Variants in NOL4 observed in about 807,000 individuals in gnomAD.
NOL4 encodes the protein cancer/testis antigen 125.
In NOL4, 17 loss-of-function variants were observed where a neutral mutation model predicts 75.9. That is an observed-to-expected ratio of 0.22 (90% CI 0.15 to 0.34). NOL4 has a LOEUF of 0.34. Among genes scored for constraint, NOL4 ranks in the 10% least tolerant of loss-of-function variants. The pLI is 1.00. For missense variants in NOL4, 614 were observed against 793.5 expected, an observed-to-expected ratio of 0.77 and a Z score of 2.72; for synonymous variants, 292 against 289.9, an observed-to-expected ratio of 1.01 and a Z score of -0.07.
chr18:33,879,146 A>G (rs2064108169), intron 10 of NOL4, among the ~76,000 whole-genome samples: 1 of 152,146 alleles, frequency 6.6e-6, no homozygotes, highest in Non-Finnish European at 1.5e-5. Context: ...TTACATAAAT[A>G]TATATAGTTC....
At chr18:34,034,593 G>T (rs1446476534) in intron 5 of NOL4, among the ~76,000 whole-genome samples, 1 of 152,076 alleles carries the variant, frequency 6.6e-6, no homozygotes, top group Non-Finnish European at 1.5e-5. Flanking sequence ...ACAAAAATCA[G>T]CTGGGCATAG....
At chr18:34,076,135 G>T (rs2077732844) in intron 5 of NOL4, among the ~76,000 whole-genome samples, 1 of 152,092 alleles carries the variant, frequency 6.6e-6, no homozygotes, top group Non-Finnish European at 1.5e-5. Flanking sequence ...TTACAGAAGG[G>T]CTGCCTATTT....
In NOL4 at chr18:34,016,796, G is replaced by A. The variant is rs548053582; in HGVS notation, c.1056+2522C>T. Among the ~76,000 whole-genome samples, 5 of 152,172 alleles carry A rather than the reference G, an allele frequency of 3.3e-5. No homozygotes were observed. The South Asian group carries it at 6.2e-4, about 19-fold the overall frequency. Reference sequence around the variant, plus strand: ...AAGTTTGTCCCCACTGTTAGACCATGAGCTTTTAAAGGGCAGGAATCTTGC... The same window carrying A: ...AAGTTTGTCCCCACTGTTAGACCATAAGCTTTTAAAGGGCAGGAATCTTGC... On this transcript the variant is annotated intron_variant, in intron 6 of 10. Coordinates refer to ENST00000261592, the MANE Select transcript of NOL4 (RefSeq NM_003787.5).
intron 6 of NOL4, among the ~76,000 whole-genome samples, chr18:33,961,312 G>A (rs2070107686): frequency 6.6e-6 from 1 of 152,076 alleles, no homozygotes; most frequent in African/African-American, 2.4e-5. Context: ...CACAGTGTGT[G>A]TGTAGGGTGG....
At chr18:34,205,087 T>A (rs1177149634) in intron 1 of NOL4, among the ~76,000 whole-genome samples, 1 of 152,136 alleles carries the variant, frequency 6.6e-6, no homozygotes, top group African/African-American at 2.4e-5. Flanking sequence ...AAACAGGTTT[T>A]TTGAAAAATG....
At chr18:34,153,383 C>A (rs926087102) in intron 1 of NOL4, among the ~76,000 whole-genome samples, 3 of 152,024 alleles carry the variant, frequency 2.0e-5, no homozygotes, top group African/African-American at 7.2e-5. Flanking sequence ...CAATTATTTA[C>A]ATTAAAACTA....
chr18:34,070,019 G>A (rs1316326585), intron 5 of NOL4, among the ~76,000 whole-genome samples: 4 of 152,116 alleles, frequency 2.6e-5, no homozygotes, highest in East Asian at 3.9e-4. Flanking sequence ...CATACCTGTA[G>A]CCTTGCCTTG....
chr18:33,933,131 G>A (rs2067815076), intron 9 of NOL4, among the ~76,000 whole-genome samples: 2 of 152,136 alleles, frequency 1.3e-5, no homozygotes, highest in African/African-American at 2.4e-5. Flanking sequence ...TGAACTTTTT[G>A]TTTTTCTACT....
At chr18:34,148,579 CTGTT>C (rs770799111) in intron 1 of NOL4, among the ~76,000 whole-genome samples, 6 of 152,018 alleles carry the variant, frequency 3.9e-5, no homozygotes, top group East Asian at 1.9e-4. Flanking sequence ...GTCTGAGAGA[CTGTT>C]TGTTATTATT....
At chr18:33,886,801 A>G (rs1568009209) in intron 9 of NOL4, among the ~76,000 whole-genome samples, 2 of 144,708 alleles carry the variant, frequency 1.4e-5, no homozygotes, top group East Asian at 4.1e-4. Context: ...ATATATCTAT[A>G]TACGTATATA....
At chr18:33,928,051 G>A (rs935809065) in intron 9 of NOL4, among the ~76,000 whole-genome samples, 1 of 152,012 alleles carries the variant, frequency 6.6e-6, no homozygotes, top group African/African-American at 2.4e-5. Context: ...GAAAGGACAG[G>A]GCAAGGAATG....
chr18:34,046,903 A>G (rs965444057), intron 5 of NOL4, among the ~76,000 whole-genome samples: 2 of 151,930 alleles, frequency 1.3e-5, no homozygotes, highest in African/African-American at 4.8e-5. Flanking sequence ...TAAGGGTCCT[A>G]TCCCGAACTA....
chr18:33,988,773 A>G (rs1227472242), intron 6 of NOL4, among the ~76,000 whole-genome samples: 4 of 152,004 alleles, frequency 2.6e-5, no homozygotes, highest in Non-Finnish European at 5.9e-5. Flanking sequence ...TACACTGTAT[A>G]TATTGGAATT....
At chr18:34,153,699 TAACA>T (rs1000539125) in intron 1 of NOL4, among the ~76,000 whole-genome samples, 2 of 151,976 alleles carry the variant, frequency 1.3e-5, no homozygotes, top group Admixed American at 1.3e-4. Flanking sequence ...GCAATATTTA[TAACA>T]AACTGTGTTA....
rs1318913656 is a variant in NOL4, at chr18:33,851,422, T to C, written c.*1420A>G. The C allele has an allele frequency of 6.6e-6, 1 of 152,452 alleles. No homozygotes were observed. The highest frequency in any genetic ancestry group is 1.5e-5 in the Non-Finnish European group (1 of 68,008). The allele number at this position is 152,452 out of a possible 1,614,324, so 9.4% of individuals were successfully genotyped here. A position where few individuals can be genotyped will look rare whatever the true frequency, so the allele number is the denominator to read the frequency against. ...GCACATTACTCGGTCACAATCACAG[T>C]CATTACTTGAAAAACTATATGTAAC... On this transcript the variant is annotated 3_prime_UTR_variant, in exon 11 of 11. Transcript: ENST00000261592.
chr18:33,858,796 A>G (rs759268991), intron 10 of NOL4, among the ~76,000 whole-genome samples: 5 of 151,964 alleles, frequency 3.3e-5, no homozygotes, highest in Non-Finnish European at 7.4e-5. Context: ...AAACCATCAG[A>G]GTCTGATATT....
chr18:33,954,920 G>A (rs2069532463), intron 8 of NOL4, among the ~76,000 whole-genome samples: 1 of 151,980 alleles, frequency 6.6e-6, no homozygotes, highest in South Asian at 2.1e-4. Flanking sequence ...AGGATACTAT[G>A]GGATGCAATT....
At chr18:34,012,777 T>C (rs1319637904) in intron 6 of NOL4, among the ~76,000 whole-genome samples, 1 of 151,970 alleles carries the variant, frequency 6.6e-6, no homozygotes, top group Non-Finnish European at 1.5e-5. Context: ...ATATTTCAAA[T>C]AAGAAAATAA....
chr18:33,911,446 G>T (rs770381501), intron 9 of NOL4, among the ~76,000 whole-genome samples: 1 of 151,410 alleles, frequency 6.6e-6, no homozygotes, highest in Non-Finnish European at 1.5e-5. Flanking sequence ...TCTATTTTTT[G>T]TCTATTTAAA....
Sources: allele counts gnomAD v4.1 joint callset (sites outside exome capture counted in the v4.1 genomes callset), GRCh38; gene constraint gnomAD v4.1.1; transcripts MANE v1.5; gene names NCBI Gene and HGNC (gene_info 2026-07-23, HGNC 2026-07-21).